The following GRIA1 variants were observed in gnomAD, a reference collection of about 807,000 sequenced individuals.
GRIA1 encodes the protein glutamate ionotropic receptor AMPA type subunit 1, also known as glutamate receptor 1.
A neutral mutation model predicts 99.2 loss-of-function variants in GRIA1; 31 were observed. The ratio of observed to expected loss-of-function variants is 0.31; its 90% CI spans 0.23 to 0.42. The LOEUF (loss-of-function observed/expected upper bound fraction) is 0.42, where lower values mean the gene tolerates loss of function less well. Among genes scored for constraint, GRIA1 ranks in the 10% least tolerant of loss-of-function variants. GRIA1 has a pLI of 1.00. For missense variants in GRIA1, 782 were observed against 1,157.5 expected (o/e 0.68, Z 4.71); for synonymous variants, 438 against 432.4 (o/e 1.01, Z -0.16).
intron 2 of GRIA1, among the ~76,000 whole-genome samples, chr5:153,533,481 T>G (rs558192592): frequency 4.9e-4 from 75 of 152,194 alleles, no homozygotes; most frequent in African/African-American, 1.8e-3. Context: ...TTGGATGAAC[T>G]GACCTCTAGA....
chr5:153,740,580 A>G (rs560797909), intron 11 of GRIA1, among the ~76,000 whole-genome samples: 2 of 152,310 alleles, frequency 1.3e-5, no homozygotes, highest in African/African-American at 4.8e-5. Context: ...CAACTGGGGG[A>G]AAATACTTCT....
intron 5 of GRIA1, among the ~76,000 whole-genome samples, chr5:153,657,096 C>T (rs1023657180): frequency 5.9e-5 from 9 of 152,162 alleles, no homozygotes; most frequent in African/African-American, 1.9e-4. Flanking sequence ...TTTTCTTTAT[C>T]CATTTTTCAG....
At chr5:153,686,931 A>G (rs987605480) in intron 8 of GRIA1, among the ~76,000 whole-genome samples, 5 of 151,976 alleles carry the variant, frequency 3.3e-5, no homozygotes, top group African/African-American at 4.8e-5. Flanking sequence ...TACTTCCTTC[A>G]TCTCTCCACT....
intron 2 of GRIA1, among the ~76,000 whole-genome samples, chr5:153,610,946 A>G (rs1192349521): frequency 6.6e-6 from 1 of 152,230 alleles, no homozygotes; most frequent in East Asian, 1.9e-4. Flanking sequence ...TCTTTCATTT[A>G]AAGTTCTGAA....
chr5:153,747,210 T>C (rs1329648990), intron 11 of GRIA1, among the ~76,000 whole-genome samples: 2 of 152,106 alleles, frequency 1.3e-5, no homozygotes, highest in Admixed American at 1.3e-4. Flanking sequence ...CAGGAAGCTT[T>C]TACTCATGGC....
chr5:153,625,998 C>A (rs1354958762), intron 2 of GRIA1, among the ~76,000 whole-genome samples: 1 of 152,146 alleles, frequency 6.6e-6, no homozygotes, highest in African/African-American at 2.4e-5. Flanking sequence ...GGAGAGTCAA[C>A]TGACTGTCAC....
At chr5:153,684,500 C>A (rs1205646506) in intron 7 of GRIA1, among the ~76,000 whole-genome samples, 1 of 152,144 alleles carries the variant, frequency 6.6e-6, no homozygotes, top group Non-Finnish European at 1.5e-5. Flanking sequence ...AAAATTGAGA[C>A]TGGGGCTGAA....
intron 10 of GRIA1, among the ~76,000 whole-genome samples, chr5:153,701,403 A>G (rs1758506865): frequency 6.6e-6 from 1 of 151,998 alleles, no homozygotes; most frequent in Non-Finnish European, 1.5e-5. Flanking sequence ...TCACGAGGTC[A>G]GGAGATCTAG....
At chr5:153,622,537 C>A (rs553588297) in intron 2 of GRIA1, among the ~76,000 whole-genome samples, 1 of 152,110 alleles carries the variant, frequency 6.6e-6, no homozygotes, top group Non-Finnish European at 1.5e-5. Flanking sequence ...AGTATGGATA[C>A]CTTTGCCATG....
At chr5:153,598,566 C>A (rs1581297106) in intron 2 of GRIA1, among the ~76,000 whole-genome samples, 2 of 152,228 alleles carry the variant, frequency 1.3e-5, no homozygotes, top group Middle Eastern at 3.4e-3. Flanking sequence ...GGACTCAGAT[C>A]CTAAGGTGGT....
chr5:153,753,831 C>A (rs1016540188), intron 11 of GRIA1, among the ~76,000 whole-genome samples: 1 of 152,168 alleles, frequency 6.6e-6, no homozygotes, highest in Non-Finnish European at 1.5e-5. Flanking sequence ...TTCTTCCCTG[C>A]CAAGAAAAGT....
At chr5:153,642,772 T>A (rs1219067608) in intron 2 of GRIA1, among the ~76,000 whole-genome samples, 1 of 152,158 alleles carries the variant, frequency 6.6e-6, no homozygotes, top group African/African-American at 2.4e-5. Context: ...CACACAGAGT[T>A]CTGATTCTGA....
rs1491415058 is a variant in GRIA1 at position 153,607,068 on chromosome 5, T to TATATATATATATATATATATATAA, written c.221-39859_221-39858insTATATATATATATATATATATAAA. Reference sequence around the variant, plus strand: ...ATATATATATATATATATATATATATAATCACAGTTTCTTTATCCACTCGT... The same window carrying TATATATATATATATATATATATAA: ...ATATATATATATATATATATATATATATATATATATATATATATATATAAAATCACAGTTTCTTTATCCACTCGT... On this transcript the variant is annotated intron_variant, in intron 2 of 15. Transcript: ENST00000285900. 2.5e-3 allele frequency among the ~76,000 whole-genome samples: 348 copies of TATATATATATATATATATATATAA among 140,360 alleles called. 4 individuals carry two copies. The highest frequency in any genetic ancestry group is 4.8e-3 in the South Asian group (21 of 4,350). 92.1% of individuals were successfully genotyped at this position (140,360 alleles called of 152,430 possible).
rs531890787 is a variant in GRIA1 at position 153,503,496 on chromosome 5, A to G, written c.220+9431A>G. On this transcript the variant is annotated intron_variant, in intron 2 of 15. Transcript: ENST00000285900. Reference sequence around the variant, plus strand: ...ATATAATTAACCAGGCTTCTTATCTATTAGCATAAATGCACATAAGTAAAA... The same window carrying G: ...ATATAATTAACCAGGCTTCTTATCTGTTAGCATAAATGCACATAAGTAAAA... Among the ~76,000 whole-genome samples, 3 of 152,354 alleles carry G rather than the reference A, an allele frequency of 2.0e-5. No homozygotes were observed. In the South Asian group the frequency reaches 6.2e-4, roughly 32 times the overall value.
At chr5:153,656,107 G>A (rs1051906619) in intron 5 of GRIA1, among the ~76,000 whole-genome samples, 4 of 152,106 alleles carry the variant, frequency 2.6e-5, no homozygotes, top group Admixed American at 6.6e-5. Flanking sequence ...TGGTGGGCAC[G>A]GCTTTATCAT....
In GRIA1 at chr5:153,811,094, G is replaced by C. The variant is rs146638712; in HGVS notation, c.2590G>C (p.Gly864Arg). 2 of 1,614,018 alleles carry C rather than the reference G, an allele frequency of 1.2e-6. No individual in the cohort carries two copies. The highest frequency in any genetic ancestry group is 3.3e-5 in the Admixed American group (2 of 60,026). Residue 864 changes from glycine (G) to arginine (R), a missense_variant, in exon 16 of 16, where the codon GGG becomes CGG. Gly to Arg is a moderately radical substitution (Grantham distance 125, BLOSUM62 -2). Around this residue, in one of 5 missense-constraint regions of GRIA1, gnomAD observed 76 missense variants for 81.2 expected, o/e 0.94. Transcript: ENST00000285900. Reference sequence around the variant, plus strand: ...GACATCGACCCTCCCCCGCAACAGCGGGGCAGGAGCCAGCAGCGGCGGCAG... The same window carrying C: ...GACATCGACCCTCCCCCGCAACAGCCGGGCAGGAGCCAGCAGCGGCGGCAG... ...IRTSTLPRNS[G>R]AGASSGGSGE...
At chr5:153,623,053 T>C (rs1767214917) in intron 2 of GRIA1, among the ~76,000 whole-genome samples, 1 of 152,116 alleles carries the variant, frequency 6.6e-6, no homozygotes, top group Non-Finnish European at 1.5e-5. Flanking sequence ...AGCAAGTAAG[T>C]GATAGTGTTG....
chr5:153,650,842 T>G (rs1178236021), intron 4 of GRIA1, among the ~76,000 whole-genome samples: 2 of 141,652 alleles, frequency 1.4e-5, no homozygotes, highest in Non-Finnish European at 1.5e-5. Context: ...GCGGATCACC[T>G]GAGGTCAGGA....
Position 153,511,293 on chromosome 5 carries a change from A to C in GRIA1, c.220+17228A>C, listed in dbSNP as rs562230848. On this transcript the variant is annotated intron_variant, in intron 2 of 15. Transcript: ENST00000285900. ...TTTTATTGACCTGGTTGGCTGAATC[A>C]TTGTATGTAGAGGTGAAGTAAAGGC... Among the ~76,000 whole-genome samples the C allele has an allele frequency of 5.3e-5, 8 of 152,316 alleles. No individual in the cohort carries two copies. In the South Asian group the frequency reaches 1.5e-3, roughly 28 times the overall value.
Sources: allele counts gnomAD v4.1 joint callset (sites outside exome capture counted in the v4.1 genomes callset), GRCh38; gene constraint gnomAD v4.1.1; regional missense constraint gnomAD v4.1.1; transcripts MANE v1.5; gene names NCBI Gene and HGNC (gene_info 2026-07-23, HGNC 2026-07-21).